Variants in FKTN observed in about 807,000 individuals in gnomAD.
FKTN encodes ribitol-5-phosphate transferase FKTN.
A neutral mutation model predicts 58.6 loss-of-function variants in FKTN; 47 were observed. The observed-to-expected ratio is 0.80, with a 90% CI of 0.63 to 1.02. The LOEUF is 1.02. FKTN is among the 50% of genes least tolerant of loss of function. The probability of loss-of-function intolerance (pLI) is 0.00; values close to 1 mark genes in which losing one functional copy is unlikely to be tolerated. For missense variants in FKTN, 516 were observed against 537.3 expected, an observed-to-expected ratio of 0.96 and a Z score of 0.39; for synonymous variants, 178 against 191.9, an observed-to-expected ratio of 0.93 and a Z score of 0.60.
At chr9:105,581,664 G>C (rs566466500) in intron 3 of FKTN, among the ~76,000 whole-genome samples, 4 of 152,226 alleles carry the variant, frequency 2.6e-5, no homozygotes, top group East Asian at 1.9e-4. Context: ...ACAGAGGCAG[G>C]CAGGCCTCCT....
At chr9:105,590,105 A>G (rs1238622184) in intron 3 of FKTN, among the ~76,000 whole-genome samples, 1 of 152,178 alleles carries the variant, frequency 6.6e-6, no homozygotes, top group African/African-American at 2.4e-5. Flanking sequence ...CTGTGTTGCC[A>G]CCCAAATCTC....
At chr9:105,579,016 C>G (rs1842337200) in intron 3 of FKTN, among the ~76,000 whole-genome samples, 1 of 151,524 alleles carries the variant, frequency 6.6e-6, no homozygotes, top group South Asian at 2.1e-4. Context: ...GTGATATCCC[C>G]TTTATCGTTT....
intron 1 of FKTN, among the ~76,000 whole-genome samples, chr9:105,572,665 C>T (rs552634214): frequency 2.0e-5 from 3 of 152,246 alleles, no homozygotes; most frequent in African/African-American, 7.2e-5. Flanking sequence ...TGCACAGATA[C>T]CCCATCTTTG....
intron 3 of FKTN, among the ~76,000 whole-genome samples, chr9:105,595,850 C>T (rs117383267): frequency 6.6e-6 from 1 of 152,136 alleles, no homozygotes; most frequent in African/African-American, 2.4e-5. Flanking sequence ...TTATAGATAA[C>T]GTATGCACTC....
intron 3 of FKTN, among the ~76,000 whole-genome samples, chr9:105,579,925 CTTCT>C (rs1191082558): frequency 5.3e-5 from 8 of 151,614 alleles, no homozygotes; most frequent in Non-Finnish European, 8.8e-5. Context: ...ATGTAATGGC[CTTCT>C]TTGTCTCTTT....
Position 105,637,014 on chromosome 9 carries a change from G to A in FKTN, c.*1750G>A. On this transcript the variant is annotated 3_prime_UTR_variant, in exon 11 of 11. Coordinates refer to ENST00000357998, the MANE Select transcript of FKTN (RefSeq NM_001079802.2). ...TTGTCAGCAAACTTGTCCCAAAATG[G>A]CACATCATCATAATCCATTTTCTCT... is the stretch of plus-strand genomic sequence containing the variant. 2 of 997,472 alleles carry A rather than the reference G, an allele frequency of 2.0e-6. No homozygotes were observed. Among genetic ancestry groups the A allele is most frequent in the African/African-American group, 1.7e-5 (1 of 57,840 alleles). 61.8% of individuals were successfully genotyped at this position (997,472 alleles called of 1,614,324 possible).
In FKTN at chr9:105,621,608, C is replaced by T. The variant is rs138346690; in HGVS notation, c.1172+1547C>T. Among the ~76,000 whole-genome samples, 298 of 152,156 alleles carry T rather than the reference C, an allele frequency of 2.0e-3. 2 individuals carry two copies. Among genetic ancestry groups the T allele is most frequent in the Non-Finnish European group, 2.8e-3 (191 of 67,958 alleles). On this transcript the variant is annotated intron_variant, in intron 10 of 10. Coordinates refer to ENST00000357998, the MANE Select transcript of FKTN (RefSeq NM_001079802.2). ...ATTACTCATTTCTTATGTATCCTTT[C>T]CGAGACAAACATATGCTCGTATACA...
chr9:105,616,787 CATAAACTGGGAT>C (rs1379918195), intron 8 of FKTN, among the ~76,000 whole-genome samples: 1 of 151,296 alleles, frequency 6.6e-6, no homozygotes, highest in African/African-American at 2.4e-5. Context: ...GTACAACAGG[CATAAACTGGGAT>C]ATACGGTTAT....
chr9:105,601,055 A>C (rs901312843), intron 4 of FKTN, 90 bp from the exon 5 acceptor site: 1 of 784,040 alleles, frequency 1.3e-6, no homozygotes, highest in Non-Finnish European at 2.2e-6. Context: ...ACTACTCTGC[A>C]TTCTTATACA....
intron 3 of FKTN, among the ~76,000 whole-genome samples, chr9:105,581,927 T>A (rs1437873256): frequency 1.3e-5 from 2 of 152,178 alleles, no homozygotes; most frequent in South Asian, 2.1e-4. Context: ...GTGACCCGAT[T>A]TTCCAGGTGT....
Position 105,640,118 on chromosome 9 carries a change from G to A in FKTN, c.*4854G>A. ...TCAACTAGGCAAGAATCAGCAGGGTGCATGATGCCATTTTAAGCTGCTTCA... is the reference window on the plus strand; with the variant it reads ...TCAACTAGGCAAGAATCAGCAGGGTACATGATGCCATTTTAAGCTGCTTCA... On this transcript the variant is annotated 3_prime_UTR_variant, in exon 11 of 11. Coordinates refer to ENST00000357998, the MANE Select transcript of FKTN (RefSeq NM_001079802.2). The A allele has an allele frequency of 1.3e-6, 2 of 1,535,168 alleles. No homozygotes were observed. The highest frequency in any genetic ancestry group is 2.4e-5 in the East Asian group (1 of 40,906).
chr9:105,634,738 A>G (rs1166032258), intron 10 of FKTN, among the ~76,000 whole-genome samples: 2 of 152,160 alleles, frequency 1.3e-5, no homozygotes, highest in Non-Finnish European at 2.9e-5. Flanking sequence ...TACAGTTCCA[A>G]CAGAAAGCCC....
chr9:105,596,928 A>G (rs1826916376), intron 4 of FKTN, among the ~76,000 whole-genome samples: 1 of 152,194 alleles, frequency 6.6e-6, no homozygotes, highest in African/African-American at 2.4e-5. Flanking sequence ...ATTTGGTAAG[A>G]CCAGATTCTG....
rs778048703 is a variant in FKTN at position 105,604,468 on chromosome 9, G to A, written c.623G>A (p.Gly208Asp). The A allele has an allele frequency of 5.0e-6, 8 of 1,614,102 alleles. No homozygotes were observed. The highest frequency in any genetic ancestry group is 6.8e-6 in the Non-Finnish European group (8 of 1,179,952). Reference sequence around the variant, plus strand: ...GTTCCCTTCCGAAAGTTACAGTTTGGTCGTTATCCAGGAGCTTTTGACAGG... The same window carrying A: ...GTTCCCTTCCGAAAGTTACAGTTTGATCGTTATCCAGGAGCTTTTGACAGG... Reference protein sequence around the residue: ...KFVPFRKLQFGRYPGAFDRPE... With the variant: ...KFVPFRKLQFDRYPGAFDRPE... The change falls in exon 6 of 11, where the codon GGT (glycine) becomes GAT (aspartate). Residue 208 changes from glycine (G) to aspartate (D), a missense_variant. By Grantham distance (94) the Gly-to-Asp change is moderately conservative. Transcript: ENST00000357998.
chr9:105,561,284 A>G (rs1838259060), intron 1 of FKTN, among the ~76,000 whole-genome samples: 1 of 152,166 alleles, frequency 6.6e-6, no homozygotes, highest in African/African-American at 2.4e-5. Flanking sequence ...TTAAAAAAAT[A>G]AAAACTTGTG....
chr9:105,619,051 T>A (rs1213052618), intron 9 of FKTN, among the ~76,000 whole-genome samples: 1 of 141,854 alleles, frequency 7.0e-6, no homozygotes, highest in African/African-American at 2.6e-5. Flanking sequence ...AGAGCAAGAC[T>A]CCGTCTTAAA....
At chr9:105,620,863 A>G (rs182439968) in intron 10 of FKTN, among the ~76,000 whole-genome samples, 76 of 152,052 alleles carry the variant, frequency 5.0e-4, no homozygotes, top group Non-Finnish European at 3.7e-4. Flanking sequence ...AGAAATTTAC[A>G]GATTAGAGAC....
chr9:105,578,852 G>A (rs1156914300), intron 3 of FKTN, among the ~76,000 whole-genome samples: 10 of 152,010 alleles, frequency 6.6e-5, no homozygotes, highest in Non-Finnish European at 4.4e-5. Flanking sequence ...TTCAGAGCCT[G>A]TTATTGGTCT....
rs1834342647 is a variant in FKTN at position 105,640,448 on chromosome 9, G to C, written c.*5184G>C. 2 of 189,640 alleles carry C rather than the reference G, an allele frequency of 1.1e-5. No homozygotes were observed. Among genetic ancestry groups the C allele is most frequent in the Non-Finnish European group, 2.2e-5 (2 of 92,998 alleles). 11.7% of individuals were successfully genotyped at this position (189,640 alleles called of 1,614,324 possible). ...CACGCCTATAGTCCCAGCTACACAG[G>C]AGGCTGAGGCAGGAGAATCACTTGA... On this transcript the variant is annotated 3_prime_UTR_variant, in exon 11 of 11. Transcript: ENST00000357998.
Sources: gnomAD v4.1 joint callset for allele counts (sites outside exome capture counted in the v4.1 genomes callset) on GRCh38, gnomAD v4.1.1 for gene constraint, MANE v1.5 for transcripts, NCBI Gene and HGNC (gene_info 2026-07-23, HGNC 2026-07-21) for gene names.